Variants in PKP4 observed in about 807,000 individuals in gnomAD.
PKP4 encodes plakophilin 4.
PKP4 carries 90 observed loss-of-function variants against 145.1 expected under a neutral mutation model. That is an observed-to-expected ratio of 0.62 (90% confidence interval 0.52 to 0.74). PKP4 has a LOEUF of 0.74. PKP4 is among the 30% of genes least tolerant of loss of function. PKP4 has a pLI of 0.00. For missense variants in PKP4, 1,340 were observed against 1,482.7 expected, an observed-to-expected ratio of 0.90 and a Z score of 1.58; for synonymous variants, 563 against 577.2, an observed-to-expected ratio of 0.98 and a Z score of 0.35.
chr2:158,666,171 A>G (rs2105992301), intron 15 of PKP4: 1 of 296,790 alleles, frequency 3.4e-6, no homozygotes, highest in African/African-American at 2.2e-5. Flanking sequence ...GCACAAAAAT[A>G]TCTGGCAGAT....
chr2:158,513,391 C>A (rs1039374334), intron 1 of PKP4, among the ~76,000 whole-genome samples: 2 of 152,174 alleles, frequency 1.3e-5, no homozygotes, highest in Admixed American at 1.3e-4. Context: ...TACCCGAGTA[C>A]ATCTTCCTAG....
intron 1 of PKP4, among the ~76,000 whole-genome samples, chr2:158,460,877 C>T (rs541254994): frequency 7.9e-5 from 12 of 152,280 alleles, no homozygotes; most frequent in African/African-American, 1.7e-4. Context: ...GAATCTGAAA[C>T]ATAACACCAG....
At chr2:158,566,491 T>TATATATATATATATATATATATATAA (rs1574516938) in intron 2 of PKP4, among the ~76,000 whole-genome samples, 1 of 152,070 alleles carries the variant, frequency 6.6e-6, no homozygotes, top group African/African-American at 2.4e-5. Context: ...TATATATATA[T>TATATATATATATATATATATATATAA]AAAACCCAAA....
At chr2:158,663,181 C>G in intron 14 of PKP4, 91 bp from the exon 15 acceptor site, 1 of 1,513,482 alleles carries the variant, frequency 6.6e-7, no homozygotes, top group Non-Finnish European at 9.0e-7. Context: ...TTCTGCATAG[C>G]TATAGCTGAG....
At chr2:158,548,507 T>A in intron 2 of PKP4, 1 of 149,780 alleles carries the variant, frequency 6.7e-6, no homozygotes, top group Non-Finnish European at 1.5e-5. Flanking sequence ...AAGAAAGTGA[T>A]GGATCCCCTG....
chr2:158,529,202 T>A (rs997361691), intron 1 of PKP4, among the ~76,000 whole-genome samples: 9 of 152,224 alleles, frequency 5.9e-5, no homozygotes, highest in African/African-American at 1.9e-4. Flanking sequence ...TAATTTTGAT[T>A]CCAAATATAA....
intron 1 of PKP4, among the ~76,000 whole-genome samples, chr2:158,474,430 C>A (rs1480097812): frequency 1.3e-5 from 2 of 152,064 alleles, no homozygotes; most frequent in African/African-American, 4.8e-5. Flanking sequence ...AGCATTGGGC[C>A]TCAGAAATCA....
At chr2:158,517,066 C>T (rs1232472806) in intron 1 of PKP4, among the ~76,000 whole-genome samples, 1 of 152,094 alleles carries the variant, frequency 6.6e-6, no homozygotes, top group Non-Finnish European at 1.5e-5. Context: ...ATATAAATTG[C>T]CATATTTCTA....
chr2:158,668,954 G>A (rs1466225414), intron 16 of PKP4, among the ~76,000 whole-genome samples: 1 of 152,136 alleles, frequency 6.6e-6, no homozygotes, highest in Non-Finnish European at 1.5e-5. Context: ...GTTGGTAATC[G>A]AAGTTGAAAA....
chr2:158,640,501 T>A, intron 9 of PKP4, 126 bp from the exon 10 acceptor site: 1 of 931,816 alleles, frequency 1.1e-6, no homozygotes, highest in South Asian at 1.7e-5. Context: ...GGTATGTATT[T>A]TTTAGGATTT....
intron 3 of PKP4, among the ~76,000 whole-genome samples, chr2:158,586,081 A>G (rs967197685): frequency 2.9e-4 from 44 of 152,264 alleles, no homozygotes; most frequent in African/African-American, 1.0e-3. Context: ...AGGTTCCTCC[A>G]TGTTGTGGCA....
intron 1 of PKP4, among the ~76,000 whole-genome samples, chr2:158,521,746 A>T (rs940565917): frequency 6.6e-6 from 1 of 152,212 alleles, no homozygotes; most frequent in African/African-American, 2.4e-5. Flanking sequence ...TTAATTTCCT[A>T]GTACTTCATT....
At chr2:158,516,784 C>T (rs985652477) in intron 1 of PKP4, among the ~76,000 whole-genome samples, 18 of 151,864 alleles carry the variant, frequency 1.2e-4, no homozygotes, top group South Asian at 8.3e-4. Flanking sequence ...CTCAGCCTCC[C>T]GAGCAGCTGG....
intron 1 of PKP4, among the ~76,000 whole-genome samples, chr2:158,529,828 A>G (rs886721565): frequency 1.3e-5 from 2 of 152,140 alleles, no homozygotes; most frequent in Non-Finnish European, 2.9e-5. Flanking sequence ...GTGTAGCAGT[A>G]TATTTTTTGT....
chr2:158,597,306 A>C (rs775746387), intron 3 of PKP4, among the ~76,000 whole-genome samples: 17 of 152,224 alleles, frequency 1.1e-4, no homozygotes, highest in Non-Finnish European at 2.5e-4. Flanking sequence ...AAAATTATGT[A>C]GCATTAATCT....
At chr2:158,574,565 G>T (rs2047683445) in intron 2 of PKP4, among the ~76,000 whole-genome samples, 1 of 152,174 alleles carries the variant, frequency 6.6e-6, no homozygotes, top group African/African-American at 2.4e-5. Flanking sequence ...ACATCTTGGT[G>T]CCATTCACAT....
At chr2:158,665,136 A>G (rs1345718394) in intron 15 of PKP4, among the ~76,000 whole-genome samples, 2 of 152,190 alleles carry the variant, frequency 1.3e-5, no homozygotes, top group African/African-American at 2.4e-5. Flanking sequence ...GATGTTATCA[A>G]GTAAGAAGCT....
At chr2:158,471,473 G>A (rs527425018) in intron 1 of PKP4, among the ~76,000 whole-genome samples, 2 of 152,212 alleles carry the variant, frequency 1.3e-5, no homozygotes, top group African/African-American at 4.8e-5. Context: ...ACACTGAAAT[G>A]TCTAACATTT....
intron 1 of PKP4, among the ~76,000 whole-genome samples, chr2:158,460,562 CCTGA>C (rs1559169388): frequency 6.6e-6 from 1 of 152,144 alleles, no homozygotes. Flanking sequence ...TAGTCTCTTA[CCTGA>C]CTCTTTTGAA....
Sources: allele counts gnomAD v4.1 joint callset (sites outside exome capture counted in the v4.1 genomes callset), GRCh38; gene constraint gnomAD v4.1.1; transcripts MANE v1.5; gene names NCBI Gene and HGNC (gene_info 2026-07-23, HGNC 2026-07-21).